Variants in MCTP1 observed in about 807,000 individuals in gnomAD.
MCTP1 encodes the protein multiple C2 and transmembrane domain-containing protein 1.
MCTP1 carries 69 observed loss-of-function variants against 120.6 expected under a neutral mutation model. The ratio of observed to expected loss-of-function variants is 0.57; its 90% CI spans 0.47 to 0.70. The LOEUF is 0.70. MCTP1 is among the 30% of genes least tolerant of loss of function. The pLI is 0.00. For synonymous variants in MCTP1, 529 were observed against 493.1 expected (o/e 1.07, Z -0.96); for missense variants, 1,203 against 1,248.8 (o/e 0.96, Z 0.55).
At chr5:95,174,973 T>C (rs1747793377) in intron 1 of MCTP1, among the ~76,000 whole-genome samples, 1 of 152,132 alleles carries the variant, frequency 6.6e-6, no homozygotes, top group Admixed American at 6.5e-5. Context: ...ACTTCAACAT[T>C]TATTATATTG....
chr5:94,924,131 T>A lies in MCTP1; in HGVS notation c.1213-110A>T, dbSNP rs190061445. 1.8e-3 allele frequency: 978 copies of A among 551,384 alleles called. 2 individuals are homozygous for A. Among genetic ancestry groups the A allele is most frequent in the Non-Finnish European group, 2.6e-3 (874 of 334,296 alleles). 34.2% of individuals were successfully genotyped at this position (551,384 alleles called of 1,614,324 possible). On this transcript the variant is annotated intron_variant, in intron 6 of 22. Coordinates refer to ENST00000515393, the MANE Select transcript of MCTP1 (RefSeq NM_024717.7). ...CAAATAAAAAATCGAAAATTATATA[T>A]CCTAAAGATACTTGGGATATTTAGA...
intron 1 of MCTP1, among the ~76,000 whole-genome samples, chr5:95,196,249 A>T (rs1750383008): frequency 6.6e-6 from 1 of 152,338 alleles, no homozygotes; most frequent in South Asian, 2.1e-4. Flanking sequence ...TATGTTCCTT[A>T]TGTTGGTAAC....
intron 1 of MCTP1, among the ~76,000 whole-genome samples, chr5:95,032,314 T>C (rs1479925555): frequency 1.3e-5 from 2 of 152,158 alleles, no homozygotes; most frequent in African/African-American, 4.8e-5. Flanking sequence ...TGGAACATTT[T>C]CTAAAATTGA....
intron 1 of MCTP1, among the ~76,000 whole-genome samples, chr5:95,233,007 A>G (rs1306129627): frequency 2.6e-5 from 4 of 152,230 alleles, no homozygotes; most frequent in Non-Finnish European, 5.9e-5. Flanking sequence ...AGAAACCACA[A>G]TTATAGCCAG....
At position 95,284,509 on chromosome 5, in the gene MCTP1, G is replaced by C. The variant is rs756917436; in HGVS notation, c.67C>G (p.Arg23Gly). 1 of 1,503,742 alleles carries C rather than the reference G, an allele frequency of 6.7e-7. No individual in the cohort carries two copies. Among genetic ancestry groups the C allele is most frequent in the Non-Finnish European group, 8.8e-7 (1 of 1,134,806 alleles). 93.1% of individuals were successfully genotyped at this position (1,503,742 alleles called of 1,614,324 possible). A position where few individuals can be genotyped will look rare whatever the true frequency, so the allele number is the denominator to read the frequency against. The change falls in exon 1 of 23, where the codon CGG (arginine) becomes GGG (glycine). Residue 23 changes from arginine (R) to glycine (G), a missense_variant. Arg to Gly is a moderately radical substitution (Grantham distance 125). Coordinates refer to ENST00000515393, the MANE Select transcript of MCTP1 (RefSeq NM_024717.7). The surrounding 1 kb of genome is among the most constrained non-coding windows in gnomAD (Gnocchi z 5.2). ...PPAASSSFQARLWKNLQLGVG... is the reference protein window; with the variant it reads ...PPAASSSFQAGLWKNLQLGVG... ...CCCAGCTGCAGGTTCTTCCAGAGCC[G>C]GGCCTGGAAGGAGGAGGACGCCGCC...
chr5:95,175,928 T>C (rs1747919104), intron 1 of MCTP1, among the ~76,000 whole-genome samples: 1 of 152,164 alleles, frequency 6.6e-6, no homozygotes, highest in South Asian at 2.1e-4. Flanking sequence ...ATTACCCTTT[T>C]GTTTTCCAGA....
At chr5:94,791,383 T>G (rs1028366568) in intron 18 of MCTP1, among the ~76,000 whole-genome samples, 1 of 151,780 alleles carries the variant, frequency 6.6e-6, no homozygotes, top group South Asian at 2.1e-4. Flanking sequence ...TTGTCCCAGC[T>G]AGGCAGGAGG....
At chr5:95,226,124 A>T (rs1356013433) in intron 1 of MCTP1, among the ~76,000 whole-genome samples, 2 of 151,948 alleles carry the variant, frequency 1.3e-5, no homozygotes, top group East Asian at 3.9e-4. Context: ...GCCTTTTATT[A>T]TCCCTCACCC....
chr5:94,879,161 C>T (rs78257170), intron 12 of MCTP1, among the ~76,000 whole-genome samples: 1,614 of 152,088 alleles, frequency 0.011, 20 homozygotes, highest in East Asian at 0.044. Flanking sequence ...AATTAAGTGC[C>T]TTGGACACCA....
chr5:94,753,800 T>G (rs1224211271), intron 19 of MCTP1, among the ~76,000 whole-genome samples: 4 of 152,198 alleles, frequency 2.6e-5, no homozygotes, highest in African/African-American at 9.6e-5. Context: ...GTAACTTCTC[T>G]TCTAGAAATT....
chr5:94,875,473 A>C (rs1680858835), intron 12 of MCTP1, among the ~76,000 whole-genome samples: 1 of 152,156 alleles, frequency 6.6e-6, no homozygotes, highest in East Asian at 1.9e-4. Flanking sequence ...TTTAACTCTC[A>C]TTAATGGGGG....
chr5:94,721,256 A>AAGGTAAGCAAATATTAAATGC, intron 19 of MCTP1, among the ~76,000 whole-genome samples: 1 of 152,342 alleles, frequency 6.6e-6, no homozygotes, highest in African/African-American at 2.4e-5. Flanking sequence ...TAATGTCAAT[A>AAGGTAAGCAAATATTAAATGC]AGGTAAGCAA....
intron 1 of MCTP1, among the ~76,000 whole-genome samples, chr5:95,093,777 T>C (rs1265330522): frequency 6.6e-6 from 1 of 152,192 alleles, no homozygotes; most frequent in African/African-American, 2.4e-5. Flanking sequence ...TCCCTCTGAA[T>C]CTAGACAGGA....
chr5:95,026,353 C>G (rs1050447380), intron 1 of MCTP1, among the ~76,000 whole-genome samples: 2 of 152,058 alleles, frequency 1.3e-5, no homozygotes, highest in African/African-American at 4.8e-5. Flanking sequence ...TTTTTTACTA[C>G]AGTCACCCTG....
chr5:95,096,533 A>C (rs1582239916), intron 1 of MCTP1, among the ~76,000 whole-genome samples: 1 of 152,292 alleles, frequency 6.6e-6, no homozygotes, highest in East Asian at 1.9e-4. Flanking sequence ...GTGCATGTGA[A>C]GCAAGAGAGA....
intron 1 of MCTP1, among the ~76,000 whole-genome samples, chr5:95,101,345 G>C (rs1449241348): frequency 1.3e-5 from 2 of 152,140 alleles, no homozygotes; most frequent in Non-Finnish European, 2.9e-5. Context: ...AATATTTCCT[G>C]TTGAGATACA....
At chr5:94,986,634 C>T (rs1431242842) in intron 2 of MCTP1, among the ~76,000 whole-genome samples, 2 of 152,092 alleles carry the variant, frequency 1.3e-5, no homozygotes, top group African/African-American at 2.4e-5. Flanking sequence ...CTCAGCCACC[C>T]GAGTAGCTGG....
intron 5 of MCTP1, among the ~76,000 whole-genome samples, chr5:94,933,703 T>C (rs903204459): frequency 4.0e-5 from 6 of 151,842 alleles, no homozygotes; most frequent in Admixed American, 6.6e-5. Context: ...AATGTTATGC[T>C]ATGTAAAAGG....
intron 1 of MCTP1, among the ~76,000 whole-genome samples, chr5:95,116,100 A>G (rs1383658233): frequency 2.6e-5 from 4 of 152,176 alleles, no homozygotes; most frequent in African/African-American, 2.4e-5. Context: ...TTTCCCAGAC[A>G]AATAAAAGCT....
Sources: gnomAD v4.1 joint callset for allele counts (sites outside exome capture counted in the v4.1 genomes callset) on GRCh38, gnomAD v4.1.1 for gene constraint, Gnocchi (gnomAD v3.1) non-coding constraint, MANE v1.5 for transcripts, NCBI Gene and HGNC (gene_info 2026-07-23, HGNC 2026-07-21) for gene names.